Variants in LIN7A observed in about 807,000 individuals in gnomAD.
The protein encoded by LIN7A is lin-7 cell polarity scaffold A.
In LIN7A, 25 loss-of-function variants were observed where a neutral mutation model predicts 29.8. That is an observed-to-expected ratio of 0.84 (90% confidence interval 0.61 to 1.17). The LOEUF (loss-of-function observed/expected upper bound fraction) is 1.17, where lower values mean the gene tolerates loss of function less well. Among genes scored for constraint, LIN7A ranks in the 50% most tolerant of loss-of-function variants. The pLI, the probability that LIN7A is intolerant of heterozygous loss-of-function variation, is 0.00. For synonymous variants in LIN7A, 118 were observed against 107.5 expected (o/e 1.10, Z -0.60); for missense variants, 239 against 287.0 (o/e 0.83, Z 1.21).
In LIN7A at chr12:80,937,597, G is replaced by A. The variant is rs906796748; in HGVS notation, c.82+44C>T. The A allele has an allele frequency of 5.2e-6, 7 of 1,359,072 alleles. No homozygotes were observed. The Admixed American group carries it at 1.0e-4, about 20-fold the overall frequency. 84.2% of individuals were successfully genotyped at this position (1,359,072 alleles called of 1,614,324 possible). Reference sequence around the variant, plus strand: ...AATTGGCAGGCGGGGAAGGGAGGAGGGGAGAGGGGACGCGGTGGCCTGGCG... The same window carrying A: ...AATTGGCAGGCGGGGAAGGGAGGAGAGGAGAGGGGACGCGGTGGCCTGGCG... On this transcript the variant is annotated intron_variant, in intron 1 of 5. Coordinates refer to ENST00000552864, the MANE Select transcript of LIN7A (RefSeq NM_004664.4).
At position 80,887,529 on chromosome 12, in the gene LIN7A, G is replaced by A. The variant is rs192176908; in HGVS notation, c.201+1722C>T. Among the ~76,000 whole-genome samples, 41 of 152,100 alleles carry A rather than the reference G, an allele frequency of 2.7e-4. 1 individual carries two copies. The highest frequency in any genetic ancestry group is 7.7e-4 in the African/African-American group (32 of 41,492). ...TTCTACTGCACACACATTAGCTTTC[G>A]GTTTTTGCACTTGTGATTTCTTCTG... On this transcript the variant is annotated intron_variant, in intron 2 of 5. Transcript: ENST00000552864.
chr12:80,867,889 T>G (rs1874223671), intron 2 of LIN7A, among the ~76,000 whole-genome samples: 1 of 152,214 alleles, frequency 6.6e-6, no homozygotes, highest in Non-Finnish European at 1.5e-5. Flanking sequence ...TACACAGAAA[T>G]GTAATGTATT....
At chr12:80,807,081 T>TTTTTGTTTGTTTG (rs1871062783) in intron 5 of LIN7A, among the ~76,000 whole-genome samples, 4 of 135,582 alleles carry the variant, frequency 3.0e-5, no homozygotes, top group Non-Finnish European at 6.2e-5. Flanking sequence ...TTTTTTTTTT[T>TTTTTGTTTGTTTG]TTTTTTTTTT....
At chr12:80,890,643 C>T (rs1651787323) in intron 1 of LIN7A, among the ~76,000 whole-genome samples, 1 of 152,148 alleles carries the variant, frequency 6.6e-6, no homozygotes, top group Non-Finnish European at 1.5e-5. Flanking sequence ...GTCATTTTGA[C>T]TGCCAATCGT....
chr12:80,928,614 T>G (rs952153390), intron 1 of LIN7A, among the ~76,000 whole-genome samples: 4 of 152,232 alleles, frequency 2.6e-5, no homozygotes, highest in Non-Finnish European at 5.9e-5. Context: ...ATGGGTAGAT[T>G]GCAAAAATTT....
intron 5 of LIN7A, among the ~76,000 whole-genome samples, chr12:80,803,146 G>A (rs969288672): frequency 1.3e-5 from 2 of 152,252 alleles, no homozygotes; most frequent in African/African-American, 4.8e-5. Context: ...GTAGAATCCT[G>A]TATGTCTATT....
intron 1 of LIN7A, among the ~76,000 whole-genome samples, chr12:80,904,455 C>T (rs1400598864): frequency 6.6e-6 from 1 of 152,096 alleles, no homozygotes; most frequent in Non-Finnish European, 1.5e-5. Context: ...CTCCCTAGCC[C>T]CCACCTTCTA....
Position 80,909,770 on chromosome 12 carries a change from C to T in LIN7A, c.83-20401G>A, listed in dbSNP as rs979422927. ...GTGAACACAAATATTTTTACCATAA[C>T]ACCTTTCAACTTTGCTCTTGCTTTT... is the stretch of plus-strand genomic sequence containing the variant. On this transcript the variant is annotated intron_variant, in intron 1 of 5. Transcript: ENST00000552864. Among the ~76,000 whole-genome samples, 11 of 152,046 alleles carry T rather than the reference C, an allele frequency of 7.2e-5. No homozygotes were observed. The East Asian group carries it at 1.7e-3, about 24-fold the overall frequency.
chr12:80,840,469 G>A (rs1168877314), intron 4 of LIN7A, among the ~76,000 whole-genome samples: 2 of 152,174 alleles, frequency 1.3e-5, no homozygotes, highest in Non-Finnish European at 2.9e-5. Flanking sequence ...ATTGGGTTGT[G>A]TGTGTGACAG....
chr12:80,909,760 T>C (rs1186167031), intron 1 of LIN7A, among the ~76,000 whole-genome samples: 1 of 152,114 alleles, frequency 6.6e-6, no homozygotes, highest in Non-Finnish European at 1.5e-5. Context: ...CACAAATATT[T>C]TTACCATAAC....
rs760389788 is a variant in LIN7A at position 80,899,765 on chromosome 12, C to CTTTTTTTTTTTTTT, written c.83-10397_83-10396insAAAAAAAAAAAAAA. Among the ~76,000 whole-genome samples the CTTTTTTTTTTTTTT allele has an allele frequency of 3.8e-3, 423 of 109,990 alleles. 38 individuals are homozygous for CTTTTTTTTTTTTTT. The highest frequency in any genetic ancestry group is 5.5e-3 in the Non-Finnish European group (284 of 51,248). The allele number at this position is 109,990 out of a possible 152,430, so 72.2% of individuals were successfully genotyped here. On this transcript the variant is annotated intron_variant, in intron 1 of 5. Transcript: ENST00000552864. ...CATTTCCTCTAGGTTTTCTTTTTTT[C>CTTTTTTTTTTTTTT]TTTTCTTTTTTTTTTTTTTTTGAGA...
At chr12:80,834,878 G>C (rs2121530284) in intron 4 of LIN7A, among the ~76,000 whole-genome samples, 1 of 152,280 alleles carries the variant, frequency 6.6e-6, no homozygotes, top group South Asian at 2.1e-4. Context: ...TCATGTAGCT[G>C]TGGCATATTA....
At chr12:80,912,615 T>C (rs1486133282) in intron 1 of LIN7A, among the ~76,000 whole-genome samples, 1 of 150,764 alleles carries the variant, frequency 6.6e-6, no homozygotes, top group Non-Finnish European at 1.5e-5. Flanking sequence ...CTCAGGAGGC[T>C]GAGGCAGGCG....
At chr12:80,886,546 T>A (rs1249760389) in intron 2 of LIN7A, among the ~76,000 whole-genome samples, 2 of 152,124 alleles carry the variant, frequency 1.3e-5, no homozygotes, top group African/African-American at 4.8e-5. Context: ...GCATAAAATG[T>A]TAGCCAAGAT....
At chr12:80,895,476 A>G (rs1398416234) in intron 1 of LIN7A, among the ~76,000 whole-genome samples, 6 of 152,202 alleles carry the variant, frequency 3.9e-5, no homozygotes, top group Non-Finnish European at 7.3e-5. Flanking sequence ...TGGGTCATTT[A>G]AAGTTACTGT....
At chr12:80,861,041 C>T (rs1414133757) in intron 2 of LIN7A, 2 of 152,234 alleles carry the variant, frequency 1.3e-5, no homozygotes, top group African/African-American at 4.8e-5. Flanking sequence ...GCACTGTCTA[C>T]AACTTTCCTT....
intron 4 of LIN7A, among the ~76,000 whole-genome samples, chr12:80,828,469 G>A (rs752761234): frequency 2.6e-5 from 4 of 152,002 alleles, no homozygotes; most frequent in South Asian, 2.1e-4. Context: ...TAGATAATAC[G>A]TATATGTAAA....
intron 2 of LIN7A, among the ~76,000 whole-genome samples, chr12:80,875,291 A>AT (rs1360933767): frequency 1.3e-5 from 2 of 152,002 alleles, no homozygotes; most frequent in Non-Finnish European, 2.9e-5. Context: ...GCACATGTAC[A>AT]TTTTTTCTGG....
chr12:80,867,268 T>C (rs1339047548), intron 2 of LIN7A, among the ~76,000 whole-genome samples: 3 of 152,088 alleles, frequency 2.0e-5, no homozygotes, highest in African/African-American at 4.8e-5. Flanking sequence ...TTAATAGCCA[T>C]CATATCTTTG....
Sources: gnomAD v4.1 joint callset for allele counts (sites outside exome capture counted in the v4.1 genomes callset) on GRCh38, gnomAD v4.1.1 for gene constraint, MANE v1.5 for transcripts, NCBI Gene and HGNC (gene_info 2026-07-23, HGNC 2026-07-21) for gene names.